PPARGC1A: variants seen among roughly 807,000 people sequenced by gnomAD.
PPARGC1A encodes peroxisome proliferator-activated receptor gamma coactivator 1-alpha.
Under a neutral mutation model 88.7 loss-of-function variants are expected in PPARGC1A, and 25 were observed. The ratio of observed to expected loss-of-function variants is 0.28; its 90% CI spans 0.21 to 0.39. PPARGC1A has a LOEUF of 0.39. Among genes scored for constraint, PPARGC1A ranks in the 10% least tolerant of loss-of-function variants. The pLI is 1.00. For missense variants in PPARGC1A, 880 were observed against 968.7 expected, an observed-to-expected ratio of 0.91 and a Z score of 1.22; for synonymous variants, 363 against 355.6, an observed-to-expected ratio of 1.02 and a Z score of -0.24.
intron 2 of PPARGC1A, among the ~76,000 whole-genome samples, chr4:23,869,190 A>G (rs1405685508): frequency 1.3e-5 from 2 of 152,158 alleles, no homozygotes; most frequent in Non-Finnish European, 1.5e-5. Context: ...GCCTGGCTGT[A>G]TCAGGGGCTA....
At chr4:23,870,930 G>T (rs1164645889) in intron 2 of PPARGC1A, among the ~76,000 whole-genome samples, 1 of 151,286 alleles carries the variant, frequency 6.6e-6, no homozygotes, top group African/African-American at 2.4e-5. Flanking sequence ...GAAAAAAGTG[G>T]TATCCGTGTT....
the PPARGC1A span, among the ~76,000 whole-genome samples, chr4:23,938,278 A>C: frequency 1.3e-5 from 2 of 152,228 alleles, no homozygotes; most frequent in African/African-American, 4.8e-5. Context: ...AAGAACCATG[A>C]AAAGTCCCTC....
At chr4:24,012,199 T>C in the PPARGC1A span, among the ~76,000 whole-genome samples, 54,182 of 151,974 alleles carry the variant, frequency 0.36, 10,178 homozygotes, top group Non-Finnish European at 0.42. Context: ...GAGTAATTAA[T>C]GATAAACTGC....
the PPARGC1A span, among the ~76,000 whole-genome samples, chr4:24,460,846 A>G: frequency 6.6e-6 from 1 of 152,234 alleles, no homozygotes; most frequent in East Asian, 1.9e-4. Context: ...TTGGTAATTT[A>G]TTGAAGTATA....
At chr4:24,333,085 T>C in the PPARGC1A span, among the ~76,000 whole-genome samples, 2 of 152,108 alleles carry the variant, frequency 1.3e-5, no homozygotes, top group Non-Finnish European at 2.9e-5. Flanking sequence ...CTACAAAAAC[T>C]ACAAAAATTA....
the PPARGC1A span, among the ~76,000 whole-genome samples, chr4:24,385,830 C>G: frequency 6.6e-6 from 1 of 152,138 alleles, no homozygotes; most frequent in African/African-American, 2.4e-5. Context: ...GGAGCTGGTA[C>G]CATTACTTCT....
the PPARGC1A span, among the ~76,000 whole-genome samples, chr4:24,290,200 CCTT>C: frequency 6.6e-6 from 1 of 152,058 alleles, no homozygotes; most frequent in Non-Finnish European, 1.5e-5. Context: ...AACCATATCA[CCTT>C]CTTTTTTTTT....
chr4:23,841,623 G>C (rs949304848), intron 2 of PPARGC1A, among the ~76,000 whole-genome samples: 1 of 151,926 alleles, frequency 6.6e-6, no homozygotes, highest in Admixed American at 6.6e-5. Context: ...CTTGAGAACT[G>C]AGGGTGAATA....
chr4:24,251,331 A>G, the PPARGC1A span, among the ~76,000 whole-genome samples: 3 of 152,192 alleles, frequency 2.0e-5, no homozygotes, highest in Non-Finnish European at 2.9e-5. Context: ...TGAAGATTAC[A>G]TTAGTTAATA....
the PPARGC1A span, among the ~76,000 whole-genome samples, chr4:23,917,469 G>A: frequency 6.6e-6 from 1 of 150,864 alleles, no homozygotes; most frequent in Non-Finnish European, 1.5e-5. Flanking sequence ...GACTACAGGC[G>A]CCCGCCACCA....
At chr4:24,149,479 C>A in the PPARGC1A span, among the ~76,000 whole-genome samples, 2 of 151,958 alleles carry the variant, frequency 1.3e-5, no homozygotes, top group African/African-American at 4.8e-5. Flanking sequence ...GAGGTTAAAG[C>A]AGAAAGGCCT....
upstream of PPARGC1A, among the ~76,000 whole-genome samples, chr4:23,902,131 TTTGAATATA>T (rs1420863223): frequency 6.6e-6 from 1 of 152,132 alleles, no homozygotes; most frequent in Non-Finnish European, 1.5e-5. Flanking sequence ...AATATAATAT[TTTGAATATA>T]TTAAGTCAAA....
chr4:24,128,869 A>G, the PPARGC1A span, among the ~76,000 whole-genome samples: 6 of 152,144 alleles, frequency 3.9e-5, no homozygotes, highest in Admixed American at 3.9e-4. Flanking sequence ...GGGTAAAATG[A>G]AGTAGGACCC....
At chr4:24,149,015 T>G in the PPARGC1A span, among the ~76,000 whole-genome samples, 1 of 152,190 alleles carries the variant, frequency 6.6e-6, no homozygotes, top group African/African-American at 2.4e-5. Context: ...ATCCAAATGT[T>G]CATCTCTGGG....
At chr4:24,223,902 C>G in the PPARGC1A span, among the ~76,000 whole-genome samples, 11 of 152,314 alleles carry the variant, frequency 7.2e-5, no homozygotes, top group East Asian at 2.1e-3. Context: ...TGATATTACA[C>G]ATGTGTTAAC....
the PPARGC1A span, among the ~76,000 whole-genome samples, chr4:24,250,052 A>T: frequency 2.0e-5 from 3 of 152,200 alleles, no homozygotes; most frequent in Non-Finnish European, 2.9e-5. Flanking sequence ...ATAGAGTATG[A>T]TGCTCGTCCT....
chr4:24,308,467 T>C, the PPARGC1A span, among the ~76,000 whole-genome samples: 1 of 152,200 alleles, frequency 6.6e-6, no homozygotes, highest in East Asian at 1.9e-4. Flanking sequence ...TTTTTCAATG[T>C]ATGTTGCACA....
chr4:24,355,407 T>G, the PPARGC1A span, among the ~76,000 whole-genome samples: 1 of 152,164 alleles, frequency 6.6e-6, no homozygotes, highest in Non-Finnish European at 1.5e-5. Context: ...CCTTTTATTG[T>G]CAAGAAGAGG....
upstream of PPARGC1A, among the ~76,000 whole-genome samples, chr4:23,900,180 A>G (rs1719151261): frequency 6.6e-6 from 1 of 152,198 alleles, no homozygotes; most frequent in South Asian, 2.1e-4. Context: ...TCATCTATCA[A>G]AAAATAGAAT....
Sources: allele counts gnomAD v4.1 joint callset (sites outside exome capture counted in the v4.1 genomes callset), GRCh38; gene constraint gnomAD v4.1.1; transcripts MANE v1.5; gene names NCBI Gene and HGNC (gene_info 2026-07-23, HGNC 2026-07-21).